Variants in FGFR4 observed in about 807,000 individuals in gnomAD.
FGFR4 encodes fibroblast growth factor receptor 4.
Under a neutral mutation model 89.9 loss-of-function variants are expected in FGFR4, and 63 were observed. That is an observed-to-expected ratio of 0.70 (90% CI 0.57 to 0.86). FGFR4 has a LOEUF of 0.86. FGFR4 is among the 40% of genes least tolerant of loss of function. The pLI, the probability that FGFR4 is intolerant of heterozygous loss-of-function variation, is 0.00. For missense variants in FGFR4, 928 were observed against 1,106.7 expected, an observed-to-expected ratio of 0.84 and a Z score of 2.29; for synonymous variants, 486 against 479.4, an observed-to-expected ratio of 1.01 and a Z score of -0.18.
intron 16 of FGFR4, among the ~76,000 whole-genome samples, chr5:177,097,001 T>C (rs1211512886): frequency 7.4e-4 from 20 of 26,996 alleles, no homozygotes; most frequent in African/African-American, 1.8e-3. Context: ...CCTCCTCCTC[T>C]TCCTCCTCCT....
intron 1 of FGFR4, among the ~76,000 whole-genome samples, chr5:177,089,050 G>A (rs1047844193): frequency 1.3e-5 from 2 of 152,192 alleles, no homozygotes; most frequent in Non-Finnish European, 2.9e-5. Flanking sequence ...GGAAGGGGCC[G>A]CCTTGTCAGT....
Position 177,091,739 on chromosome 5 carries a change from G to A in FGFR4, c.658G>A (p.Gly220Ser), listed in dbSNP as rs1369223288. ...GGAGAGCGTGGTGCCCTCGGACCGC[G>A]GCACATACACCTGCCTGGTAGAGAA... ...VMESVVPSDR[G>S]TYTCLVENAV... The change falls in exon 6 of 18, where the codon GGC becomes AGC. Residue 220 changes from glycine (G) to serine (S), a missense_variant. Gly to Ser is a moderately conservative substitution (Grantham distance 56, BLOSUM62 0). Transcript: ENST00000292408. 5 of 1,614,224 alleles carry A rather than the reference G, an allele frequency of 3.1e-6. No individual in the cohort carries two copies. The highest frequency in any genetic ancestry group is 3.4e-6 in the Non-Finnish European group (4 of 1,180,032).
rs1342829829 is a variant in FGFR4 at position 177,093,410 on chromosome 5, C to T, written c.1256C>T (p.Ser419Phe). 2.5e-6 allele frequency: 4 copies of T among 1,614,116 alleles called. No homozygotes were observed. Among genetic ancestry groups the T allele is most frequent in the Admixed American group, 1.7e-5 (1 of 60,028 alleles). Residue 419 changes from serine (S) to phenylalanine (F), a missense_variant, in exon 10 of 18, where the codon TCC becomes TTC. Ser to Phe is a radical substitution (Grantham distance 155). This residue lies in a region of FGFR4 where 741 missense variants were observed against 836.9 expected (regional missense o/e 0.89). Coordinates refer to ENST00000292408, the MANE Select transcript of FGFR4 (RefSeq NM_213647.3). This position sits in a 1 kb window ranked among gnomAD's most constrained non-coding sequence, Gnocchi z 5.8. ...ACCAAGTCTCCCACTTTGCAGTTCT[C>T]CCTGGAGTCAGGCTCTTCCGGCAAG... The part of the protein sequence containing the change: ...LSRFPLARQF[S>F]LESGSSGKSS...
intron 14 of FGFR4, 42 bp downstream of exon 14, chr5:177,096,221 C>A (rs768248739): frequency 1.2e-6 from 2 of 1,612,978 alleles, no homozygotes; most frequent in South Asian, 2.2e-5. Flanking sequence ...TGGAGGGGCA[C>A]TGGGCCCGGG....
chr5:177,090,115 C>T (rs780748182), intron 2 of FGFR4: 24 of 653,406 alleles, frequency 3.7e-5, no homozygotes, highest in South Asian at 1.9e-4. Context: ...TGTGTGTGTC[C>T]GTATGTGTGT....
intron 1 of FGFR4, chr5:177,088,269 T>G (rs565299066): frequency 3.9e-4 from 66 of 170,886 alleles, no homozygotes; most frequent in Non-Finnish European, 6.6e-4. Flanking sequence ...AGCCAGGATG[T>G]TCTCGATCTC....
rs1251724714 is a variant in FGFR4, at chr5:177,090,945, C to T, written c.444C>T (p.Tyr148=). The T allele has an allele frequency of 2.5e-6, 4 of 1,614,056 alleles. No individual in the cohort carries two copies. Among genetic ancestry groups the T allele is most frequent in the Admixed American group, 1.7e-5 (1 of 60,010 alleles). Residue 148 remains tyrosine (Y), a synonymous_variant, in exon 5 of 18, where the codon TAC becomes TAT. Transcript: ENST00000292408. ...CCTTCCCCTGCCCTCCAGCACCCTA[C>T]TGGACACACCCCCAGCGCATGGAGA... ...NRHSYPQQAP[Y]WTHPQRMEKK... is the part of the protein sequence containing the mutation.
chr5:177,095,589 C>T lies in FGFR4; in HGVS notation c.1687C>T (p.Arg563Trp), dbSNP rs765924274. Residue 563 changes from arginine to tryptophan, a missense_variant, in exon 13 of 18, where the codon CGG (arginine) becomes TGG (tryptophan). Around this residue, in one of 5 missense-constraint regions of FGFR4, gnomAD observed 741 missense variants for 836.9 expected, o/e 0.89. Coordinates refer to ENST00000292408, the MANE Select transcript of FGFR4 (RefSeq NM_213647.3). This position sits in a 1 kb window ranked among gnomAD's most constrained non-coding sequence, Gnocchi z 5.7. ...CAAGGGAAACCTGCGGGAGTTCCTG[C>T]GGGCCCGGCGCCCCCCAGGCCCCGA... ...AAKGNLREFL[R>W]ARRPPGPDLS... The T allele has an allele frequency of 1.8e-5, 29 of 1,606,962 alleles. No homozygotes were observed. Among genetic ancestry groups the T allele is most frequent in the African/African-American group, 2.7e-5 (2 of 74,768 alleles).
Position 177,092,714 on chromosome 5 carries a change from C to CGAGT in FGFR4, c.988_991dup (p.Tyr331Ter), listed in dbSNP as rs1784410252. On this transcript the variant is annotated frameshift_variant, in exon 8 of 18. Coordinates refer to ENST00000292408, the MANE Select transcript of FGFR4 (RefSeq NM_213647.3). LOFTEE classifies it high-confidence loss of function. ...GGAACGTGTCAGCCGAGGACGCAGGCGAGTACACCTGCCTCGCAGGCAATT... is the reference window on the plus strand; with the variant it reads ...GGAACGTGTCAGCCGAGGACGCAGGCGAGTGAGTACACCTGCCTCGCAGGCAATT... 1 of 1,614,240 alleles carries CGAGT rather than the reference C, an allele frequency of 6.2e-7. No individual in the cohort carries two copies. The highest frequency in any genetic ancestry group is 8.5e-7 in the Non-Finnish European group (1 of 1,180,032).
In FGFR4 at chr5:177,087,763, G is replaced by C; in HGVS notation, c.-54+686G>C. On this transcript the variant is annotated intron_variant, in intron 1 of 17. Coordinates refer to ENST00000292408, the MANE Select transcript of FGFR4 (RefSeq NM_213647.3). This position sits in a 1 kb window ranked among gnomAD's most constrained non-coding sequence, Gnocchi z 6.1. ...AAGGAGGATCCGACTGGATTCGAGA[G>C]TTGAGGTGGGCCAGAGACAGCAGTA... is the stretch of plus-strand genomic sequence containing the variant. 6.9e-6 allele frequency: 3 copies of C among 434,836 alleles called. No homozygotes were observed. Among genetic ancestry groups the C allele is most frequent in the Non-Finnish European group, 9.2e-6 (3 of 326,846 alleles). 26.9% of individuals were successfully genotyped at this position (434,836 alleles called of 1,614,324 possible).
In FGFR4 at chr5:177,097,964, C is replaced by T; in HGVS notation, c.*288C>T. The T allele has an allele frequency of 2.9e-6, 1 of 349,098 alleles. No individual in the cohort carries two copies. Among genetic ancestry groups the T allele is most frequent in the Non-Finnish European group, 5.2e-6 (1 of 192,324 alleles). The allele number at this position is 349,098 out of a possible 1,614,324, so 21.6% of individuals were successfully genotyped here. A position where few individuals can be genotyped will look rare whatever the true frequency, so the allele number is the denominator to read the frequency against. On this transcript the variant is annotated 3_prime_UTR_variant, in exon 18 of 18. Coordinates refer to ENST00000292408, the MANE Select transcript of FGFR4 (RefSeq NM_213647.3). ...TGCTAAACCTCCTGCCTCCCAATAC[C>T]AGCAGGAGGTTCTGGGCCTCTGAAC... is the stretch of plus-strand genomic sequence containing the variant.
intron 16 of FGFR4, 40 bp from the exon 17 acceptor site, chr5:177,097,252 G>A (rs1784637139): frequency 3.3e-6 from 5 of 1,516,208 alleles, no homozygotes; most frequent in African/African-American, 1.4e-5. Context: ...CCTCCTGAAG[G>A]CCTGAGGCTC....
In FGFR4 at chr5:177,092,327, C is replaced by G; in HGVS notation, c.734C>G (p.Ser245Cys). Reference protein sequence around the residue: ...YNYLLDVLERSPHRPILQAGL... With the variant: ...YNYLLDVLERCPHRPILQAGL... ...TGTCTCGCCCGGTCCCCAGAGCGGT[C>G]CCCGCACCGGCCCATCCTGCAGGCC... Residue 245 changes from serine (S) to cysteine (C), a missense_variant, in exon 7 of 18, where the codon TCC becomes TGC. By Grantham distance (112) the Ser-to-Cys change is moderately radical (BLOSUM62 -1). Around this residue, in one of 5 missense-constraint regions of FGFR4, gnomAD observed 741 missense variants for 836.9 expected, o/e 0.89. Coordinates refer to ENST00000292408, the MANE Select transcript of FGFR4 (RefSeq NM_213647.3). 6.3e-7 allele frequency: 1 copy of G among 1,579,144 alleles called. No homozygotes were observed. The highest frequency in any genetic ancestry group is 8.6e-7 in the Non-Finnish European group (1 of 1,158,780).
chr5:177,097,355 G>T lies in FGFR4; in HGVS notation c.2217G>T (p.Leu739=). ...CCCAGAGGCCTACCTTCAAGCAGCT[G>T]GTGGAGGCGCTGGACAAGGTCCTGC... ...APSQRPTFKQ[L]VEALDKVLLA... The change falls in exon 17 of 18, where the codon CTG becomes CTT. Residue 739 remains leucine, a synonymous_variant. Coordinates refer to ENST00000292408, the MANE Select transcript of FGFR4 (RefSeq NM_213647.3). 6.2e-7 allele frequency: 1 copy of T among 1,612,244 alleles called. No homozygotes were observed. The highest frequency in any genetic ancestry group is 2.2e-5 in the East Asian group (1 of 44,728).
rs11954456 is a variant in FGFR4, at chr5:177,092,418, C to T, written c.825C>T (p.Ser275=). The change falls in exon 7 of 18, where the codon AGC becomes AGT. Residue 275 remains serine (S), a synonymous_variant. Transcript: ENST00000292408. ...TGGAGCTGCTGTGCAAGGTGTACAGCGATGCCCAGCCCCACATCCAGTGGC... is the reference window on the plus strand; with the variant it reads ...TGGAGCTGCTGTGCAAGGTGTACAGTGATGCCCAGCCCCACATCCAGTGGC... ...SDVELLCKVY[S]DAQPHIQWLK... is the part of the protein sequence containing the mutation. 18 of 1,607,870 alleles carry T rather than the reference C, an allele frequency of 1.1e-5. No individual in the cohort carries two copies. Among genetic ancestry groups the T allele is most frequent in the Non-Finnish European group, 1.5e-5 (18 of 1,176,856 alleles).
chr5:177,092,053 A>G (rs1028789297), intron 6 of FGFR4, among the ~76,000 whole-genome samples: 1 of 151,632 alleles, frequency 6.6e-6, no homozygotes, highest in Non-Finnish European at 1.5e-5. Context: ...AGTATAACAA[A>G]CGCCCTGCAC....
rs771956263 is a variant in FGFR4, at chr5:177,095,329, G to A, written c.1520-1G>A. The stretch of plus-strand genomic sequence containing the variant: ...CTTCACCCCGTCTGCTGCCCTTACA[G>A]ACAACGCCTCTGACAAGGACCTGGC... On this transcript the variant is annotated splice_acceptor_variant, in intron 11 of 17. Coordinates refer to ENST00000292408, the MANE Select transcript of FGFR4 (RefSeq NM_213647.3). LOFTEE classifies it high-confidence loss of function. This position sits in a 1 kb window ranked among gnomAD's most constrained non-coding sequence, Gnocchi z 5.7. 3 of 1,613,972 alleles carry A rather than the reference G, an allele frequency of 1.9e-6. No individual in the cohort carries two copies. Among genetic ancestry groups the A allele is most frequent in the Admixed American group, 3.3e-5 (2 of 60,026 alleles).
rs1562078329 is a variant in FGFR4 at position 177,097,124 on chromosome 5, TTCC to T, written c.2154-159_2154-157del. On this transcript the variant is annotated intron_variant, in intron 16 of 17. Coordinates refer to ENST00000292408, the MANE Select transcript of FGFR4 (RefSeq NM_213647.3). ...CCTGCTCCTCTTCCTCCTCCTCCTC[TTCC>T]TCCTCCTCAGCCTAGTGGAGTGTCC... is the stretch of plus-strand genomic sequence containing the variant. The T allele has an allele frequency of 8.7e-6, 4 of 461,504 alleles. 1 individual carries two copies. The highest frequency in any genetic ancestry group is 4.1e-5 in the East Asian group (1 of 24,404). The allele number at this position is 461,504 out of a possible 1,614,324, so 28.6% of individuals were successfully genotyped here.
In FGFR4 at chr5:177,092,458, A is replaced by C; in HGVS notation, c.865A>C (p.Ile289Leu). The part of the protein sequence containing the change: ...PHIQWLKHIV[I>L]NGSSFGADGF... ...CATCCAGTGGCTGAAGCACATCGTCATCAACGGCAGCAGCTTCGGAGCCGA... is the reference window on the plus strand; with the variant it reads ...CATCCAGTGGCTGAAGCACATCGTCCTCAACGGCAGCAGCTTCGGAGCCGA... The change falls in exon 7 of 18, where the codon ATC (isoleucine) becomes CTC (leucine). Residue 289 changes from isoleucine to leucine, a missense_variant. Around this residue, in one of 5 missense-constraint regions of FGFR4, gnomAD observed 741 missense variants for 836.9 expected, o/e 0.89. Transcript: ENST00000292408. 6.2e-7 allele frequency: 1 copy of C among 1,602,100 alleles called. No individual in the cohort carries two copies. The highest frequency in any genetic ancestry group is 8.5e-7 in the Non-Finnish European group (1 of 1,174,018).
Sources: gnomAD v4.1 joint callset for allele counts (sites outside exome capture counted in the v4.1 genomes callset) on GRCh38, gnomAD v4.1.1 for gene constraint, gnomAD v4.1.1 regional missense constraint, Gnocchi (gnomAD v3.1) non-coding constraint, MANE v1.5 for transcripts, NCBI Gene and HGNC (gene_info 2026-07-23, HGNC 2026-07-21) for gene names.